The following ATXN7L1 variants were observed in gnomAD, a reference collection of about 807,000 sequenced individuals.
The protein encoded by ATXN7L1 is ataxin 7 like 1.
ATXN7L1 carries 15 observed loss-of-function variants against 70.8 expected under a neutral mutation model. That is an observed-to-expected ratio of 0.21 (90% CI 0.14 to 0.33). ATXN7L1 has a LOEUF of 0.33. Ranked by LOEUF, ATXN7L1 falls within the 10% of genes least tolerant of loss-of-function variation. The probability of loss-of-function intolerance (pLI) is 1.00; values close to 1 mark genes in which losing one functional copy is unlikely to be tolerated. For synonymous variants in ATXN7L1, 440 were observed against 445.1 expected (o/e 0.99, Z 0.14); for missense variants, 975 against 1,097.1 (o/e 0.89, Z 1.57).
intron 4 of ATXN7L1, among the ~76,000 whole-genome samples, chr7:105,651,511 G>T (rs925671078): frequency 1.3e-5 from 2 of 152,194 alleles, no homozygotes; most frequent in Non-Finnish European, 2.9e-5. Context: ...AGGAGGGGTG[G>T]ACAGGGTGGA....
intron 3 of ATXN7L1, among the ~76,000 whole-genome samples, chr7:105,763,033 A>T (rs1772101421): frequency 6.6e-6 from 1 of 152,194 alleles, no homozygotes. Flanking sequence ...CTGCAGCCTC[A>T]TGAGAGACTC....
chr7:105,827,646 T>A (rs894968046), intron 2 of ATXN7L1, among the ~76,000 whole-genome samples: 4 of 152,154 alleles, frequency 2.6e-5, no homozygotes, highest in Admixed American at 2.0e-4. Flanking sequence ...TAAGCATGGA[T>A]TTGGTATACC....
intron 3 of ATXN7L1, among the ~76,000 whole-genome samples, chr7:105,743,206 C>T (rs1490415375): frequency 5.3e-5 from 8 of 152,156 alleles, no homozygotes; most frequent in East Asian, 3.9e-4. Flanking sequence ...GGGATCCACA[C>T]GGAGGCAAAG....
intron 2 of ATXN7L1, among the ~76,000 whole-genome samples, chr7:105,843,585 C>A (rs555671060): frequency 1.3e-5 from 2 of 152,308 alleles, no homozygotes; most frequent in East Asian, 3.9e-4. Flanking sequence ...CTGCCAAGGG[C>A]AGAGGCAGAG....
chr7:105,606,726 C>T lies in ATXN7L1; in HGVS notation c.*1126G>A, dbSNP rs1792779602. On this transcript the variant is annotated 3_prime_UTR_variant, in exon 12 of 12. Transcript: ENST00000419735. ...ATGGCTGTCTCTAAGACAGCAAAAGCTGATCCATGGGTGTGCTGATCCCAC... is the reference window on the plus strand; with the variant it reads ...ATGGCTGTCTCTAAGACAGCAAAAGTTGATCCATGGGTGTGCTGATCCCAC... The T allele has an allele frequency of 1.3e-5, 2 of 152,230 alleles. No individual in the cohort carries two copies. Among genetic ancestry groups the T allele is most frequent in the Admixed American group, 1.3e-4 (2 of 15,284 alleles). The allele number at this position is 152,230 out of a possible 1,614,324, so 9.4% of individuals were successfully genotyped here. A position where few individuals can be genotyped will look rare whatever the true frequency, so the allele number is the denominator to read the frequency against.
chr7:105,747,278 T>C (rs497552), intron 3 of ATXN7L1, among the ~76,000 whole-genome samples: 73,459 of 151,824 alleles, frequency 0.48, 18,741 homozygotes, highest in East Asian at 0.79. Flanking sequence ...TAATGGCCAG[T>C]GGTTTAATCA....
intron 3 of ATXN7L1, among the ~76,000 whole-genome samples, chr7:105,669,461 C>G (rs1362428467): frequency 6.6e-6 from 1 of 152,088 alleles, no homozygotes; most frequent in Non-Finnish European, 1.5e-5. Context: ...GCCCTTTGCC[C>G]TTAATATAAG....
chr7:105,648,574 G>T (rs1271627263), intron 4 of ATXN7L1, among the ~76,000 whole-genome samples: 1 of 152,188 alleles, frequency 6.6e-6, no homozygotes, highest in Non-Finnish European at 1.5e-5. Context: ...ACATTCAGCT[G>T]ACATAAGAGC....
At chr7:105,809,982 G>T (rs1808194986) in intron 2 of ATXN7L1, among the ~76,000 whole-genome samples, 1 of 152,170 alleles carries the variant, frequency 6.6e-6, no homozygotes, top group African/African-American at 2.4e-5. Flanking sequence ...ATGTTGCCCA[G>T]GCTGGCCTCG....
chr7:105,857,968 A>G (rs995717089), intron 2 of ATXN7L1, among the ~76,000 whole-genome samples: 27 of 152,212 alleles, frequency 1.8e-4, no homozygotes, highest in Non-Finnish European at 3.2e-4. Flanking sequence ...TGCAGTGTTC[A>G]TGCCTGTAAT....
At chr7:105,644,550 A>G (rs1798714284) in intron 4 of ATXN7L1, among the ~76,000 whole-genome samples, 1 of 152,206 alleles carries the variant, frequency 6.6e-6, no homozygotes, top group South Asian at 2.1e-4. Context: ...TCAATGTCTG[A>G]GATAGAGCTG....
intron 4 of ATXN7L1, among the ~76,000 whole-genome samples, chr7:105,661,377 G>T (rs973365593): frequency 1.3e-5 from 2 of 152,194 alleles, no homozygotes; most frequent in African/African-American, 2.4e-5. Flanking sequence ...TTGACTTAGG[G>T]TGGTTGCAGC....
At chr7:105,678,651 C>T (rs1805078536) in intron 3 of ATXN7L1, among the ~76,000 whole-genome samples, 1 of 152,180 alleles carries the variant, frequency 6.6e-6, no homozygotes, top group South Asian at 2.1e-4. Context: ...GTAGATAATA[C>T]ACGGACATAA....
At chr7:105,608,717 G>A (rs1384588188) in intron 11 of ATXN7L1, among the ~76,000 whole-genome samples, 3 of 152,184 alleles carry the variant, frequency 2.0e-5, no homozygotes, top group African/African-American at 2.4e-5. Flanking sequence ...AAATGGTGAG[G>A]AGACTCTCCC....
chr7:105,779,414 T>A (rs905780361), intron 3 of ATXN7L1, among the ~76,000 whole-genome samples: 2 of 152,236 alleles, frequency 1.3e-5, no homozygotes, highest in African/African-American at 4.8e-5. Context: ...CAGCATTAAC[T>A]TTAATTTGAG....
chr7:105,690,194 G>A (rs1212007180), intron 3 of ATXN7L1, among the ~76,000 whole-genome samples: 2 of 151,990 alleles, frequency 1.3e-5, no homozygotes, highest in South Asian at 2.1e-4. Context: ...TCGTAGAGAC[G>A]GGGTTTCTCC....
chr7:105,729,039 G>A (rs1483313196), intron 3 of ATXN7L1, among the ~76,000 whole-genome samples: 1 of 152,074 alleles, frequency 6.6e-6, no homozygotes, highest in South Asian at 2.1e-4. Flanking sequence ...CGAGATGGAA[G>A]GATTGCTTGA....
chr7:105,806,597 C>G (rs536611636), intron 2 of ATXN7L1, among the ~76,000 whole-genome samples: 70 of 152,214 alleles, frequency 4.6e-4, no homozygotes, highest in Middle Eastern at 6.8e-3. Flanking sequence ...GGGGGCCAAG[C>G]TGGGGTTGTG....
rs1462125950 is a variant in ATXN7L1, at chr7:105,727,777, T to TATATATAC, written c.355+60826_355+60827insGTATATAT. ...ATATATATATATATATATATATATA[T>TATATATAC]ACACACACATACACACATATATATA... On this transcript the variant is annotated intron_variant, in intron 3 of 11. Coordinates refer to ENST00000419735, the MANE Select transcript of ATXN7L1 (RefSeq NM_020725.2). Among the ~76,000 whole-genome samples the TATATATAC allele has an allele frequency of 3.2e-3, 288 of 90,118 alleles. 2 individuals carry two copies. The highest frequency in any genetic ancestry group is 0.01 in the African/African-American group (168 of 16,306). 59.1% of individuals were successfully genotyped at this position (90,118 alleles called of 152,430 possible).
Sources: gnomAD v4.1 joint callset for allele counts (sites outside exome capture counted in the v4.1 genomes callset) on GRCh38, gnomAD v4.1.1 for gene constraint, MANE v1.5 for transcripts, NCBI Gene and HGNC (gene_info 2026-07-23, HGNC 2026-07-21) for gene names.